RPS6KC1: variants seen among roughly 807,000 people sequenced by gnomAD.
RPS6KC1 encodes inactive ribosomal protein S6 kinase delta-1.
RPS6KC1 carries 54 observed loss-of-function variants against 103.8 expected under a neutral mutation model. That is an observed-to-expected ratio of 0.52 (90% CI 0.42 to 0.65). RPS6KC1 has a LOEUF of 0.65. Among genes scored for constraint, RPS6KC1 ranks in the 30% least tolerant of loss-of-function variants. The pLI is 0.00. For missense variants in RPS6KC1, 1,151 were observed against 1,253.8 expected, an observed-to-expected ratio of 0.92 and a Z score of 1.24; for synonymous variants, 439 against 438.7, an observed-to-expected ratio of 1.00 and a Z score of -0.01.
At chr1:213,220,967 C>G (rs2093816815) in intron 8 of RPS6KC1, among the ~76,000 whole-genome samples, 1 of 152,054 alleles carries the variant, frequency 6.6e-6, no homozygotes, top group African/African-American at 2.4e-5. Flanking sequence ...TTTGTTAAAT[C>G]TGTCTCAAAG....
At chr1:213,740,703 C>CTCTCAGATATATGTACACATATATAT in the RPS6KC1 span, among the ~76,000 whole-genome samples, 1 of 81,932 alleles carries the variant, frequency 1.2e-5, no homozygotes, top group Non-Finnish European at 2.6e-5. Context: ...CACATATATA[C>CTCTCAGATATATGTACACATATATAT]ATCTCAGATA....
chr1:213,366,156 A>G, the RPS6KC1 span, among the ~76,000 whole-genome samples: 2 of 152,164 alleles, frequency 1.3e-5, no homozygotes, highest in African/African-American at 2.4e-5. Flanking sequence ...TCTCACAGTG[A>G]TCCCCCCACA....
At chr1:213,773,931 T>C in the RPS6KC1 span, among the ~76,000 whole-genome samples, 1 of 152,238 alleles carries the variant, frequency 6.6e-6, no homozygotes, top group African/African-American at 2.4e-5. Context: ...AAACTAACCA[T>C]CACAGCAACT....
rs145118748 is a variant in RPS6KC1, at chr1:213,242,585, G to C, written c.2838G>C (p.Thr946=). 6.2e-6 allele frequency: 10 copies of C among 1,604,792 alleles called. No individual in the cohort carries two copies. Among genetic ancestry groups the C allele is most frequent in the Non-Finnish European group, 8.5e-6 (10 of 1,173,930 alleles). Residue 946 remains threonine (T), a synonymous_variant, in exon 12 of 15, where the codon ACG becomes ACC. Coordinates refer to ENST00000366960, the MANE Select transcript of RPS6KC1 (RefSeq NM_012424.6). The part of the protein sequence containing the change: ...LLNDRGHIQL[T]YFSRWSEVED... ...TGTTTTTAGGACACATTCAGCTAACGTATTTTAGCAGGTGGAGTGAGGTTG... is the reference window on the plus strand; with the variant it reads ...TGTTTTTAGGACACATTCAGCTAACCTATTTTAGCAGGTGGAGTGAGGTTG...
intron 8 of RPS6KC1, among the ~76,000 whole-genome samples, chr1:213,205,694 T>C (rs2148624189): frequency 6.6e-6 from 1 of 151,270 alleles, no homozygotes; most frequent in Admixed American, 6.6e-5. Context: ...TGCAACCATA[T>C]ATTTTTGACA....
At chr1:213,116,544 C>T (rs2083648067) in intron 4 of RPS6KC1, among the ~76,000 whole-genome samples, 1 of 138,478 alleles carries the variant, frequency 7.2e-6, no homozygotes, top group Non-Finnish European at 1.6e-5. Context: ...AGCATTTAGT[C>T]CATTTACATT....
chr1:213,588,772 A>C, the RPS6KC1 span, among the ~76,000 whole-genome samples: 2 of 152,104 alleles, frequency 1.3e-5, no homozygotes, highest in Non-Finnish European at 2.9e-5. Context: ...CAATGGAAAT[A>C]AAGGGCAGGT....
At chr1:213,432,364 A>G in the RPS6KC1 span, among the ~76,000 whole-genome samples, 1 of 152,230 alleles carries the variant, frequency 6.6e-6, no homozygotes, top group Non-Finnish European at 1.5e-5. Context: ...ACTTATATTC[A>G]GCATTATAAA....
chr1:213,409,473 G>A, the RPS6KC1 span, among the ~76,000 whole-genome samples: 1 of 152,048 alleles, frequency 6.6e-6, no homozygotes, highest in African/African-American at 2.4e-5. Context: ...CTGTTTGTGA[G>A]GGAGGCACAG....
chr1:213,151,093 CG>C (rs2088733288), intron 6 of RPS6KC1, among the ~76,000 whole-genome samples: 2 of 139,902 alleles, frequency 1.4e-5, no homozygotes. Context: ...CCTCACCTCC[CG>C]GATGGGGGGG....
At chr1:213,361,408 G>A in the RPS6KC1 span, among the ~76,000 whole-genome samples, 6 of 152,368 alleles carry the variant, frequency 3.9e-5, no homozygotes, top group South Asian at 1.2e-3. Flanking sequence ...CATTGGAAAA[G>A]CACAGTATTA....
chr1:213,302,105 T>G, the RPS6KC1 span, among the ~76,000 whole-genome samples: 2 of 152,228 alleles, frequency 1.3e-5, no homozygotes, highest in South Asian at 2.1e-4. Context: ...GGATAGGGCC[T>G]GAGATTCTAC....
rs116671995 is a variant in RPS6KC1, at chr1:213,232,250, C to T, written c.1220C>T (p.Ala407Val). The change falls in exon 10 of 15, where the codon GCG becomes GTG. Residue 407 changes from alanine (A) to valine (V), a missense_variant. Ala to Val is a moderately conservative substitution (Grantham distance 64, BLOSUM62 0). This residue lies in a region of RPS6KC1 where 959 missense variants were observed against 1,006.3 expected (regional missense o/e 0.95). Transcript: ENST00000366960. Reference protein sequence around the residue: ...EESVFLVLQHAEGGKLWSYIS... With the variant: ...EESVFLVLQHVEGGKLWSYIS... ...TCAGTATTTCTTGTGCTGCAGCATGCGGAAGGTTGGTTTGTAGTTTGGATT... is the reference window on the plus strand; with the variant it reads ...TCAGTATTTCTTGTGCTGCAGCATGTGGAAGGTTGGTTTGTAGTTTGGATT... 4.2e-3 allele frequency: 6,772 copies of T among 1,613,772 alleles called. 20 individuals are homozygous for T. Among genetic ancestry groups the T allele is most frequent in the Non-Finnish European group, 5.1e-3 (5,978 of 1,179,772 alleles).
the RPS6KC1 span, among the ~76,000 whole-genome samples, chr1:213,382,006 C>T: frequency 6.6e-6 from 1 of 152,186 alleles, no homozygotes; most frequent in African/African-American, 2.4e-5. Context: ...GGGGATGGCA[C>T]AGAGGCGAGT....
chr1:213,118,247 C>A (rs370164951), intron 5 of RPS6KC1, among the ~76,000 whole-genome samples: 1 of 151,358 alleles, frequency 6.6e-6, no homozygotes, highest in Non-Finnish European at 1.5e-5. Context: ...TATTAAGGTA[C>A]ACTTGAATTT....
rs78952903 is a variant in RPS6KC1 at position 213,146,571 on chromosome 1, G to A, written c.835+16682G>A. On this transcript the variant is annotated intron_variant, in intron 6 of 14. Transcript: ENST00000366960. ...TGAGTAGCTGGGGTTGATTACAGGC[G>A]CCCGCCACCATGCCCGGGTAATTTT... is the stretch of plus-strand genomic sequence containing the variant. Among the ~76,000 whole-genome samples the A allele has an allele frequency of 6.4e-3, 976 of 151,700 alleles. 15 individuals carry two copies. Among genetic ancestry groups the A allele is most frequent in the African/African-American group, 0.022 (901 of 41,372 alleles).
the RPS6KC1 span, among the ~76,000 whole-genome samples, chr1:213,486,480 A>G: frequency 6.6e-6 from 1 of 152,144 alleles, no homozygotes; most frequent in East Asian, 1.9e-4. Context: ...CTGGATGGTC[A>G]GGTAAGAGAG....
intron 10 of RPS6KC1, among the ~76,000 whole-genome samples, chr1:213,237,490 A>AATACATGTATAAACATGTATTTATAC (rs1410386164): frequency 5.9e-5 from 9 of 152,058 alleles, no homozygotes; most frequent in African/African-American, 1.9e-4. Context: ...TACTCATATA[A>AATACATGTATAAACATGTATTTATAC]ATACATGTAT....
chr1:213,271,271 G>T (rs2095041005), intron 14 of RPS6KC1, among the ~76,000 whole-genome samples: 1 of 152,204 alleles, frequency 6.6e-6, no homozygotes, highest in Non-Finnish European at 1.5e-5. Flanking sequence ...ACCTGCTACA[G>T]TGTGGATGAA....
Sources: allele counts gnomAD v4.1 joint callset (sites outside exome capture counted in the v4.1 genomes callset), GRCh38; gene constraint gnomAD v4.1.1; regional missense constraint gnomAD v4.1.1; transcripts MANE v1.5; gene names NCBI Gene and HGNC (gene_info 2026-07-23, HGNC 2026-07-21).